The following MACROD2 variants were observed in gnomAD, a reference collection of about 807,000 sequenced individuals.
MACROD2 encodes ADP-ribose glycohydrolase MACROD2.
A neutral mutation model predicts 70.4 loss-of-function variants in MACROD2; 36 were observed. That is an observed-to-expected ratio of 0.51 (90% confidence interval 0.39 to 0.68). MACROD2 has a LOEUF of 0.68. Ranked by LOEUF, MACROD2 falls within the 30% of genes least tolerant of loss-of-function variation. The pLI is 0.00. For synonymous variants in MACROD2, 172 were observed against 178.8 expected (o/e 0.96, Z 0.30); for missense variants, 496 against 538.4 (o/e 0.92, Z 0.78).
At chr20:13,998,954 C>G (rs1442929431) in intron 1 of MACROD2, among the ~76,000 whole-genome samples, 2 of 99,548 alleles carry the variant, frequency 2.0e-5, no homozygotes, top group Admixed American at 1.9e-4. Flanking sequence ...GACTCCGTCT[C>G]AAAAAAAAAA....
At chr20:14,667,982 T>G (rs1600518325) in intron 4 of MACROD2, among the ~76,000 whole-genome samples, 1 of 152,040 alleles carries the variant, frequency 6.6e-6, no homozygotes. Flanking sequence ...ACCCTGTATC[T>G]ACAAAAAATA....
intron 8 of MACROD2, among the ~76,000 whole-genome samples, chr20:15,647,798 C>A (rs1389279909): frequency 6.6e-6 from 1 of 151,300 alleles, no homozygotes; most frequent in Non-Finnish European, 1.5e-5. Context: ...TGGCTCACTG[C>A]AACCTCAGCC....
In MACROD2 at chr20:15,414,853, G is replaced by A. The variant is rs1161210417; in HGVS notation, c.541-16552G>A. ...GATCAGTAACATTAGCATCACCTGG[G>A]ACCCTGTTAGAAACATAATTTCAGC... is the stretch of plus-strand genomic sequence containing the variant. On this transcript the variant is annotated intron_variant, in intron 6 of 17. Coordinates refer to ENST00000684519, the MANE Select transcript of MACROD2 (RefSeq NM_001351661.2). Among the ~76,000 whole-genome samples the A allele has an allele frequency of 2.0e-5, 3 of 152,278 alleles. No individual in the cohort carries two copies. In the East Asian group the frequency reaches 5.8e-4, roughly 29 times the overall value.
At chr20:14,856,752 A>G (rs1240639266) in intron 5 of MACROD2, among the ~76,000 whole-genome samples, 1 of 152,126 alleles carries the variant, frequency 6.6e-6, no homozygotes, top group Non-Finnish European at 1.5e-5. Flanking sequence ...TGCTGGTGTG[A>G]GGACTGCACC....
intron 6 of MACROD2, among the ~76,000 whole-genome samples, chr20:15,310,471 G>T (rs935313448): frequency 6.6e-6 from 1 of 152,102 alleles, no homozygotes; most frequent in Non-Finnish European, 1.5e-5. Context: ...GCCAATCATG[G>T]CTAAGTGTAT....
At chr20:15,056,572 A>T (rs767389147) in intron 5 of MACROD2, among the ~76,000 whole-genome samples, 1 of 152,166 alleles carries the variant, frequency 6.6e-6, no homozygotes, top group Non-Finnish European at 1.5e-5. Context: ...CTTCCACTCA[A>T]ACTACTTGGT....
At chr20:15,176,617 G>A (rs1217682362) in intron 5 of MACROD2, among the ~76,000 whole-genome samples, 2 of 152,030 alleles carry the variant, frequency 1.3e-5, no homozygotes, top group African/African-American at 4.8e-5. Context: ...GTCTCCTGAG[G>A]GCTGTTCTGT....
intron 15 of MACROD2, among the ~76,000 whole-genome samples, chr20:16,010,429 G>A (rs982522655): frequency 2.6e-5 from 4 of 152,114 alleles, no homozygotes; most frequent in East Asian, 1.9e-4. Context: ...TAAAAGGATA[G>A]TACTTTGTCT....
At chr20:14,187,125 A>G (rs1026151494) in intron 3 of MACROD2, among the ~76,000 whole-genome samples, 3 of 143,496 alleles carry the variant, frequency 2.1e-5, no homozygotes, top group African/African-American at 5.1e-5. Context: ...AAAGAATGCA[A>G]AAGTTTAAAA....
chr20:14,247,450 G>A (rs930530237), intron 3 of MACROD2, among the ~76,000 whole-genome samples: 10 of 152,194 alleles, frequency 6.6e-5, no homozygotes, highest in Non-Finnish European at 1.5e-4. Flanking sequence ...GAAATATAAG[G>A]AATGACTCAA....
At chr20:14,599,681 T>C (rs1771786746) in intron 4 of MACROD2, among the ~76,000 whole-genome samples, 1 of 152,142 alleles carries the variant, frequency 6.6e-6, no homozygotes, top group South Asian at 2.1e-4. Context: ...CCATGTGCTG[T>C]GTGTCAGGAG....
chr20:15,223,485 A>C (rs1388261787), intron 5 of MACROD2, among the ~76,000 whole-genome samples: 2 of 152,222 alleles, frequency 1.3e-5, no homozygotes, highest in African/African-American at 2.4e-5. Context: ...GCACTGTGCC[A>C]GTCATTTCTA....
intron 3 of MACROD2, among the ~76,000 whole-genome samples, chr20:14,376,490 A>C (rs1174175145): frequency 6.6e-6 from 1 of 152,152 alleles, no homozygotes; most frequent in Non-Finnish European, 1.5e-5. Context: ...GCTTATGCCT[A>C]TAATCCCAGC....
At chr20:14,345,195 A>C (rs2122675083) in intron 3 of MACROD2, among the ~76,000 whole-genome samples, 1 of 152,312 alleles carries the variant, frequency 6.6e-6, no homozygotes, top group East Asian at 1.9e-4. Flanking sequence ...CTAGGATTTT[A>C]AGTGCATTAG....
chr20:14,980,002 A>G (rs2074782482), intron 5 of MACROD2, among the ~76,000 whole-genome samples: 1 of 152,194 alleles, frequency 6.6e-6, no homozygotes, highest in Non-Finnish European at 1.5e-5. Flanking sequence ...GCCACTTGGT[A>G]ATAATAATGG....
intron 4 of MACROD2, among the ~76,000 whole-genome samples, chr20:14,552,737 G>A (rs951252246): frequency 6.6e-6 from 1 of 151,968 alleles, no homozygotes; most frequent in African/African-American, 2.4e-5. Context: ...GTAACAAAAT[G>A]GTAAGTATTG....
chr20:14,336,745 G>T (rs117862512), intron 3 of MACROD2, among the ~76,000 whole-genome samples: 1 of 152,188 alleles, frequency 6.6e-6, no homozygotes, highest in Non-Finnish European at 1.5e-5. Context: ...GGATTTTGGT[G>T]TTCTATTGAA....
intron 9 of MACROD2, among the ~76,000 whole-genome samples, chr20:15,869,874 T>G (rs1282951188): frequency 2.6e-5 from 4 of 152,174 alleles, no homozygotes; most frequent in Admixed American, 2.6e-4. Flanking sequence ...GACAGACATG[T>G]TATTAATTCA....
intron 3 of MACROD2, among the ~76,000 whole-genome samples, chr20:14,435,450 G>C (rs1480469209): frequency 2.0e-5 from 3 of 152,132 alleles, no homozygotes; most frequent in Non-Finnish European, 4.4e-5. Context: ...AGCTCACTGT[G>C]ATAACGATCC....
Sources: gnomAD v4.1 joint callset for allele counts (sites outside exome capture counted in the v4.1 genomes callset) on GRCh38, gnomAD v4.1.1 for gene constraint, MANE v1.5 for transcripts, NCBI Gene and HGNC (gene_info 2026-07-23, HGNC 2026-07-21) for gene names.